Variants in SOD2 observed in about 807,000 individuals in gnomAD.
SOD2 encodes superoxide dismutase 2.
SOD2 carries 11 observed loss-of-function variants against 27.0 expected under a neutral mutation model. The observed-to-expected ratio is 0.41, with a 90% CI of 0.26 to 0.67. The LOEUF is 0.67. Ranked by LOEUF, SOD2 falls within the 30% of genes least tolerant of loss-of-function variation. The pLI is 0.34. For missense variants in SOD2, 250 were observed against 274.5 expected, an observed-to-expected ratio of 0.91 and a Z score of 0.63; for synonymous variants, 105 against 103.0, an observed-to-expected ratio of 1.02 and a Z score of -0.12.
intron 1 of SOD2, among the ~76,000 whole-genome samples, chr6:159,737,844 G>C (rs1050078913): frequency 2.0e-5 from 3 of 152,176 alleles, no homozygotes; most frequent in Non-Finnish European, 4.4e-5. Context: ...CCTTTATTTG[G>C]TGTAGTGAAT....
chr6:159,727,467 C>G (rs1418248468), upstream of SOD2: 2 of 958,824 alleles, frequency 2.1e-6, no homozygotes, highest in East Asian at 2.5e-4. Context: ...GGAGCGGAGC[C>G]GTGCGGCGGG....
chr6:159,749,440 TTA>T (rs1374867949), upstream of SOD2: 1 of 965,604 alleles, frequency 1.0e-6, no homozygotes, highest in Non-Finnish European at 1.2e-6. Flanking sequence ...TTTTTTTTTT[TTA>T]AGTTCAAAGA....
intron 1 of SOD2, among the ~76,000 whole-genome samples, chr6:159,742,834 TCAC>T (rs1779342988): frequency 1.3e-5 from 2 of 151,698 alleles, no homozygotes; most frequent in African/African-American, 4.8e-5. Flanking sequence ...GGTGGGAAGA[TCAC>T]TTGAGCCCAG....
intron 1 of SOD2, among the ~76,000 whole-genome samples, chr6:159,738,489 A>G (rs1779053097): frequency 6.6e-6 from 1 of 152,198 alleles, no homozygotes; most frequent in Non-Finnish European, 1.5e-5. Context: ...TGCCTGTTAA[A>G]GGACATTTGG....
At chr6:159,722,057 ATTCT>A (rs1778052200) in intron 1 of SOD2, among the ~76,000 whole-genome samples, 1 of 151,564 alleles carries the variant, frequency 6.6e-6, no homozygotes, top group Middle Eastern at 3.2e-3. Flanking sequence ...TATAAACCAC[ATTCT>A]TTATTAAAAA....
chr6:159,702,292 A>G (rs1435335902), intron 1 of SOD2, among the ~76,000 whole-genome samples: 2 of 150,920 alleles, frequency 1.3e-5, no homozygotes, highest in Non-Finnish European at 2.9e-5. Context: ...CTGTCTGTAT[A>G]AAATTTTTTT....
intron 2 of SOD2, chr6:159,692,399 G>A: frequency 7.3e-7 from 1 of 1,371,078 alleles, no homozygotes; most frequent in Non-Finnish European, 9.5e-7. Context: ...AACGGAATGT[G>A]GCTCACAACA....
intron 1 of SOD2, chr6:159,713,729 AT>A: frequency 1.1e-6 from 1 of 918,688 alleles, no homozygotes; most frequent in Non-Finnish European, 1.8e-6. Context: ...TTTCAACACT[AT>A]TAGACTTGAA....
At chr6:159,724,100 T>G (rs1778092976) in intron 1 of SOD2, among the ~76,000 whole-genome samples, 1 of 152,014 alleles carries the variant, frequency 6.6e-6, no homozygotes, top group Non-Finnish European at 1.5e-5. Flanking sequence ...CTTCTTAAAA[T>G]TCTTTATATT....
At chr6:159,717,151 G>C (rs1258514657) in intron 1 of SOD2, among the ~76,000 whole-genome samples, 1 of 152,112 alleles carries the variant, frequency 6.6e-6, no homozygotes, top group Non-Finnish European at 1.5e-5. Flanking sequence ...AGCTGGACAA[G>C]CCTGTTTCCG....
At chr6:159,714,525 T>G (rs1199404009) in intron 1 of SOD2, among the ~76,000 whole-genome samples, 1 of 152,194 alleles carries the variant, frequency 6.6e-6, no homozygotes, top group African/African-American at 2.4e-5. Context: ...ACCAGCAGGC[T>G]CAGCAGCACA....
chr6:159,693,703 C>T (rs1259361312), upstream of SOD2, among the ~76,000 whole-genome samples: 1 of 152,232 alleles, frequency 6.6e-6, no homozygotes, highest in African/African-American at 2.4e-5. Context: ...ACATTCATAC[C>T]CTCCCAGGGC....
chr6:159,712,235 A>AC (rs1777811340), intron 1 of SOD2, among the ~76,000 whole-genome samples: 1 of 122,746 alleles, frequency 8.1e-6, no homozygotes. Context: ...CACCACTCAC[A>AC]TTGCTCTGAT....
intron 2 of SOD2, among the ~76,000 whole-genome samples, chr6:159,690,668 C>T (rs1003640195): frequency 1.3e-5 from 2 of 151,954 alleles, no homozygotes; most frequent in Admixed American, 6.6e-5. Flanking sequence ...TTGAGAGTCA[C>T]TCTAAAAATA....
chr6:159,698,625 A>C (rs889604399), intron 1 of SOD2, among the ~76,000 whole-genome samples: 2 of 151,724 alleles, frequency 1.3e-5, no homozygotes, highest in African/African-American at 4.8e-5. Flanking sequence ...AAAAAAAAAA[A>C]AACAAGAAAA....
At chr6:159,749,201 T>A, upstream of SOD2, 1 of 985,864 alleles carries the variant, frequency 1.0e-6, no homozygotes, top group South Asian at 4.7e-5. Context: ...TTTGAAGCAT[T>A]ATAAACATTC....
intron 1 of SOD2, among the ~76,000 whole-genome samples, chr6:159,711,922 C>T (rs1777789171): frequency 7.8e-6 from 1 of 128,280 alleles, no homozygotes; most frequent in South Asian, 2.7e-4. Context: ...TCACCATAAC[C>T]ACCTCCACAA....
chr6:159,712,596 A>G (rs1777840845), intron 1 of SOD2, among the ~76,000 whole-genome samples: 1 of 145,884 alleles, frequency 6.9e-6, no homozygotes, highest in Admixed American at 6.9e-5. Flanking sequence ...AACCGCCTCC[A>G]CAACGACCAC....
rs371434728 is a variant in SOD2 at position 159,734,448 on chromosome 6, T to C, written c.-116+10682A>G. On this transcript the variant is annotated intron_variant, in intron 1 of 3. Transcript: ENST00000537657. ...ATTTCTAGTAGTTTAGAATTTATAATAAGTATGGGTAATTAAAATAAACCA... is the reference window on the plus strand; with the variant it reads ...ATTTCTAGTAGTTTAGAATTTATAACAAGTATGGGTAATTAAAATAAACCA... Among the ~76,000 whole-genome samples the C allele has an allele frequency of 5.9e-5, 9 of 151,868 alleles. No homozygotes were observed. The South Asian group carries it at 1.0e-3, about 18-fold the overall frequency.
Sources: gnomAD v4.1 joint callset for allele counts (sites outside exome capture counted in the v4.1 genomes callset) on GRCh38, gnomAD v4.1.1 for gene constraint, MANE v1.5 for transcripts, NCBI Gene and HGNC (gene_info 2026-07-23, HGNC 2026-07-21) for gene names.